Variants in ZHX3 observed in about 807,000 individuals in gnomAD.
ZHX3 encodes the protein zinc fingers and homeoboxes 3, also known as zinc fingers and homeoboxes protein 3.
Under a neutral mutation model 64.5 loss-of-function variants are expected in ZHX3, and 20 were observed. The ratio of observed to expected loss-of-function variants is 0.31; its 90% CI spans 0.22 to 0.45. The LOEUF (loss-of-function observed/expected upper bound fraction) is 0.45. Among genes scored for constraint, ZHX3 ranks in the 20% least tolerant of loss-of-function variants. The probability of loss-of-function intolerance (pLI) is 1.00; values close to 1 mark genes in which losing one functional copy is unlikely to be tolerated. For synonymous variants in ZHX3, 423 were observed against 461.6 expected (o/e 0.92, Z 1.07); for missense variants, 1,041 against 1,195.8 (o/e 0.87, Z 1.91).
At chr20:41,249,197 C>G (rs2041867157) in intron 2 of ZHX3, among the ~76,000 whole-genome samples, 1 of 151,836 alleles carries the variant, frequency 6.6e-6, no homozygotes, top group African/African-American at 2.4e-5. Flanking sequence ...ATAAGAAAAA[C>G]TTGGTCATTG....
rs1010342472 is a variant in ZHX3 at position 41,212,613 on chromosome 20, C to T, written c.-150-7547G>A. Among the ~76,000 whole-genome samples the T allele has an allele frequency of 6.6e-6, 1 of 152,070 alleles. No individual in the cohort carries two copies. Among genetic ancestry groups the T allele is most frequent in the Non-Finnish European group, 1.5e-5 (1 of 68,016 alleles). ...AGGAGTTCAAGATCAGCCTGACCAA[C>T]ATGGAGAAACCCCATCTCTACTAAA... is the stretch of plus-strand genomic sequence containing the variant. On this transcript the variant is annotated intron_variant, in intron 2 of 3. Coordinates refer to ENST00000683867, the MANE Select transcript of ZHX3 (RefSeq NM_001384317.1). The surrounding 1 kb of genome is among the most constrained non-coding windows in gnomAD (Gnocchi z 4.3).
At chr20:41,210,176 C>T (rs935410954) in intron 2 of ZHX3, among the ~76,000 whole-genome samples, 9 of 152,052 alleles carry the variant, frequency 5.9e-5, no homozygotes, top group Admixed American at 2.0e-4. Flanking sequence ...AGAATGGCGA[C>T]CATTAAAATG....
At chr20:41,199,440 A>AT (rs1454635839) in intron 3 of ZHX3, among the ~76,000 whole-genome samples, 2 of 151,902 alleles carry the variant, frequency 1.3e-5, no homozygotes, top group African/African-American at 4.8e-5. Flanking sequence ...TTTTCCAACT[A>AT]TTTTTGTGAA....
intron 2 of ZHX3, among the ~76,000 whole-genome samples, chr20:41,223,502 A>G (rs1156542538): frequency 6.6e-6 from 1 of 152,270 alleles, no homozygotes; most frequent in Non-Finnish European, 1.5e-5. Context: ...GGTGCTTTTT[A>G]TGCTGCTATG....
intron 1 of ZHX3, among the ~76,000 whole-genome samples, chr20:41,295,082 A>G (rs1214666520): frequency 6.6e-6 from 1 of 152,042 alleles, no homozygotes; most frequent in Non-Finnish European, 1.5e-5. Flanking sequence ...TCAAACTACT[A>G]TATTTCCAGT....
Position 41,194,922 on chromosome 20 carries a change from G to C in ZHX3, c.2860+7135C>G, listed in dbSNP as rs1243632312. Among the ~76,000 whole-genome samples the C allele has an allele frequency of 3.3e-5, 5 of 152,090 alleles. No homozygotes were observed. The East Asian group carries it at 9.7e-4, about 29-fold the overall frequency. On this transcript the variant is annotated intron_variant, in intron 3 of 3. Coordinates refer to ENST00000683867, the MANE Select transcript of ZHX3 (RefSeq NM_001384317.1). ...ATGTAACATCCCCTCTTTCCTTTCT[G>C]ATGTTAGTAATTTAAGTCTTCTCTT...
At chr20:41,260,983 T>C (rs1332739901) in intron 2 of ZHX3, among the ~76,000 whole-genome samples, 2 of 152,192 alleles carry the variant, frequency 1.3e-5, no homozygotes, top group East Asian at 1.9e-4. Flanking sequence ...ACAGGAAAGA[T>C]ACAATCTATG....
At position 41,226,355 on chromosome 20, in the gene ZHX3, C is replaced by CAAAAAAAAA. The variant is rs1056912681; in HGVS notation, c.-150-21290_-150-21289insTTTTTTTTT. Reference sequence around the variant, plus strand: ...TGGGTGACAGGGCAATACTCTATTTCAAAAACAAAAGAATTTCCTTTCATT... The same window carrying CAAAAAAAAA: ...TGGGTGACAGGGCAATACTCTATTTCAAAAAAAAAAAAAACAAAAGAATTTCCTTTCATT... On this transcript the variant is annotated intron_variant, in intron 2 of 3. Transcript: ENST00000683867. This position sits in a 1 kb window ranked among gnomAD's most constrained non-coding sequence, Gnocchi z 4.4. Among the ~76,000 whole-genome samples the CAAAAAAAAA allele has an allele frequency of 6.7e-6, 1 of 150,214 alleles. No homozygotes were observed. The highest frequency in any genetic ancestry group is 2.5e-5 in the African/African-American group (1 of 40,588).
intron 2 of ZHX3, among the ~76,000 whole-genome samples, chr20:41,248,178 A>G (rs1192448738): frequency 6.6e-6 from 1 of 152,190 alleles, no homozygotes; most frequent in African/African-American, 2.4e-5. Context: ...CTTCTCATCC[A>G]TTTGGCAAAT....
chr20:41,208,173 C>T (rs982950055), intron 2 of ZHX3, among the ~76,000 whole-genome samples: 1 of 152,190 alleles, frequency 6.6e-6, no homozygotes, highest in African/African-American at 2.4e-5. Flanking sequence ...ACACCAATAA[C>T]AGGTTCTGAA....
Position 41,203,284 on chromosome 20 carries a change from G to T in ZHX3, c.1633C>A (p.Arg545Ser). The change falls in exon 3 of 4, where the codon CGT (arginine) becomes AGT (serine). Residue 545 changes from arginine to serine, a missense_variant. Arg to Ser is a moderately radical substitution (Grantham distance 110, BLOSUM62 -1). Transcript: ENST00000683867. This position sits in a 1 kb window ranked among gnomAD's most constrained non-coding sequence, Gnocchi z 7.1. ...TTCAAGTTCCGGCAGTGGTATCTAC[G>T]ATCACTGAACCATTTCCGCACCTCT... The part of the protein sequence containing the change: ...TREVRKWFSD[R>S]RYHCRNLKGS... 1 of 1,614,110 alleles carries T rather than the reference G, an allele frequency of 6.2e-7. No homozygotes were observed. The highest frequency in any genetic ancestry group is 1.1e-5 in the South Asian group (1 of 91,064).
At chr20:41,289,758 A>G (rs2044133494) in intron 1 of ZHX3, among the ~76,000 whole-genome samples, 2 of 151,200 alleles carry the variant, frequency 1.3e-5, no homozygotes, top group Non-Finnish European at 2.9e-5. Context: ...TAGATTACAA[A>G]TGCCACCGAG....
chr20:41,253,221 T>C (rs1338674911), intron 2 of ZHX3, among the ~76,000 whole-genome samples: 3 of 146,658 alleles, frequency 2.0e-5, no homozygotes, highest in African/African-American at 5.2e-5. Flanking sequence ...ATTTTACCTG[T>C]TGTCTTGGTT....
chr20:41,291,788 C>A (rs1031745605), intron 1 of ZHX3, among the ~76,000 whole-genome samples: 9 of 151,584 alleles, frequency 5.9e-5, no homozygotes, highest in African/African-American at 2.2e-4. Flanking sequence ...CATTTTTGAG[C>A]AATCAGGGAA....
chr20:41,198,327 A>G (rs2037934260), intron 3 of ZHX3, among the ~76,000 whole-genome samples: 1 of 152,040 alleles, frequency 6.6e-6, no homozygotes, highest in Non-Finnish European at 1.5e-5. Context: ...GTTTCTGTTC[A>G]GTATCCTTTC....
intron 1 of ZHX3, among the ~76,000 whole-genome samples, chr20:41,275,471 A>G (rs2043334968): frequency 6.6e-6 from 1 of 152,164 alleles, no homozygotes; most frequent in Non-Finnish European, 1.5e-5. Context: ...TGGGGCCCAG[A>G]AGGTAACCAG....
intron 2 of ZHX3, among the ~76,000 whole-genome samples, chr20:41,238,990 C>CTTT (rs2041198645): frequency 7.5e-6 from 1 of 132,566 alleles, no homozygotes; most frequent in African/African-American, 2.9e-5. Flanking sequence ...TATTTTCTCT[C>CTTT]TCTTTTTTTT....
In ZHX3 at chr20:41,314,994, A is replaced by G. The variant is rs530934430; in HGVS notation, c.-245+2515T>C. Among the ~76,000 whole-genome samples the G allele has an allele frequency of 2.0e-5, 3 of 152,366 alleles. No individual in the cohort carries two copies. The South Asian group carries it at 6.2e-4, about 32-fold the overall frequency. On this transcript the variant is annotated intron_variant, in intron 1 of 3. Transcript: ENST00000683867. ...ATACACCAACAAATAAATATGTATT[A>G]CCAAGTGGTGGTAAGCAAGGCAGGA... is the stretch of plus-strand genomic sequence containing the variant.
chr20:41,304,699 G>A (rs1467200997), intron 1 of ZHX3, among the ~76,000 whole-genome samples: 1 of 152,176 alleles, frequency 6.6e-6, no homozygotes, highest in East Asian at 1.9e-4. Flanking sequence ...AGACCAGCAG[G>A]CTAGAAATGG....
Sources: gnomAD v4.1 joint callset for allele counts (sites outside exome capture counted in the v4.1 genomes callset) on GRCh38, gnomAD v4.1.1 for gene constraint, Gnocchi (gnomAD v3.1) non-coding constraint, MANE v1.5 for transcripts, NCBI Gene and HGNC (gene_info 2026-07-23, HGNC 2026-07-21) for gene names.